The following LPP variants were observed in gnomAD, a reference collection of about 807,000 sequenced individuals.
LPP encodes the protein lipoma-preferred partner.
LPP carries 38 observed loss-of-function variants against 60.4 expected under a neutral mutation model. The ratio of observed to expected loss-of-function variants is 0.63; its 90% CI spans 0.49 to 0.83. The LOEUF (loss-of-function observed/expected upper bound fraction) is 0.83. Ranked by LOEUF, LPP falls within the 40% of genes least tolerant of loss-of-function variation. The pLI, the probability that LPP is intolerant of heterozygous loss-of-function variation, is 0.00. For synonymous variants in LPP, 328 were observed against 290.8 expected (o/e 1.13, Z -1.30); for missense variants, 902 against 783.6 (o/e 1.15, Z -1.80).
chr3:188,581,928 C>G (rs1286969776), intron 6 of LPP, among the ~76,000 whole-genome samples: 1 of 151,756 alleles, frequency 6.6e-6, no homozygotes, highest in African/African-American at 2.4e-5. Context: ...GCCGACTCTT[C>G]CAACACATGA....
intron 1 of LPP, chr3:188,180,924 G>T (rs959547148): frequency 6.6e-6 from 1 of 151,706 alleles, no homozygotes; most frequent in African/African-American, 2.4e-5. Context: ...AAAATTCTTT[G>T]TCTGCACCTA....
At chr3:188,237,414 A>T (rs185724645) in intron 2 of LPP, among the ~76,000 whole-genome samples, 122 of 152,296 alleles carry the variant, frequency 8.0e-4, no homozygotes, top group African/African-American at 2.9e-3. Context: ...AGAATGGTGA[A>T]TCCTTTTTAG....
intron 4 of LPP, among the ~76,000 whole-genome samples, chr3:188,436,546 A>G (rs1792341724): frequency 6.6e-6 from 1 of 152,176 alleles, no homozygotes; most frequent in African/African-American, 2.4e-5. Flanking sequence ...TGTTTGTGTA[A>G]GCATATATTT....
chr3:188,558,958 CT>C (rs761150043), intron 6 of LPP, among the ~76,000 whole-genome samples: 1 of 152,092 alleles, frequency 6.6e-6, no homozygotes. Context: ...AAGATCTTGA[CT>C]TTTTTGTATC....
At chr3:188,243,968 CG>C (rs1426346204) in intron 2 of LPP, among the ~76,000 whole-genome samples, 1 of 152,144 alleles carries the variant, frequency 6.6e-6, no homozygotes, top group Non-Finnish European at 1.5e-5. Flanking sequence ...CTCCACTTCC[CG>C]GGTTCAAGCG....
intron 8 of LPP, among the ~76,000 whole-genome samples, chr3:188,713,447 G>T (rs535291224): frequency 3.8e-4 from 57 of 151,630 alleles, no homozygotes; most frequent in Admixed American, 7.2e-4. Context: ...GAATATCAAT[G>T]ATATATTAGA....
At position 188,359,945 on chromosome 3, in the gene LPP, T is replaced by C. The variant is rs199750650; in HGVS notation, c.-10+18226T>C. On this transcript the variant is annotated intron_variant, in intron 3 of 11. Coordinates refer to ENST00000617246, the MANE Select transcript of LPP (RefSeq NM_001375462.1). ...AGCCCACAGGTTTATATTGCACTGC[T>C]CTGCCCACATTCCAGCCTTCTCCAC... 1.2e-4 allele frequency among the ~76,000 whole-genome samples: 19 copies of C among 152,332 alleles called. No individual in the cohort carries two copies. In the East Asian group the frequency reaches 3.7e-3, roughly 29 times the overall value.
chr3:188,692,950 A>G (rs1862441092), intron 7 of LPP, among the ~76,000 whole-genome samples: 1 of 152,184 alleles, frequency 6.6e-6, no homozygotes, highest in African/African-American at 2.4e-5. Context: ...ACATTAGATG[A>G]TTTGATTAGA....
At chr3:188,170,651 A>T (rs1721334509) in intron 1 of LPP, among the ~76,000 whole-genome samples, 1 of 129,554 alleles carries the variant, frequency 7.7e-6, no homozygotes, top group South Asian at 2.3e-4. Context: ...CAGCTTCTTC[A>T]TCAACAGCAT....
At chr3:188,773,122 G>T (rs1416314957) in intron 9 of LPP, among the ~76,000 whole-genome samples, 1 of 152,130 alleles carries the variant, frequency 6.6e-6, no homozygotes, top group Non-Finnish European at 1.5e-5. Flanking sequence ...AGTTTGAGTG[G>T]AAGTTCTCTG....
chr3:188,797,765 T>C (rs1339266129), intron 9 of LPP, among the ~76,000 whole-genome samples: 2 of 152,220 alleles, frequency 1.3e-5, no homozygotes, highest in Non-Finnish European at 2.9e-5. Flanking sequence ...TATTAATTTA[T>C]ATAGCTATGC....
intron 3 of LPP, among the ~76,000 whole-genome samples, chr3:188,397,395 A>G (rs1330223494): frequency 6.6e-6 from 1 of 152,090 alleles, no homozygotes; most frequent in African/African-American, 2.4e-5. Flanking sequence ...TGTCCTGGCT[A>G]TTGTCAACCA....
intron 2 of LPP, among the ~76,000 whole-genome samples, chr3:188,275,875 C>A (rs1454110448): frequency 3.3e-5 from 5 of 152,056 alleles, no homozygotes; most frequent in African/African-American, 4.8e-5. Flanking sequence ...GGGGTTTCAC[C>A]ATATTGTCCA....
intron 4 of LPP, among the ~76,000 whole-genome samples, chr3:188,449,191 A>G (rs1043313687): frequency 6.6e-6 from 1 of 152,214 alleles, no homozygotes; most frequent in African/African-American, 2.4e-5. Flanking sequence ...TCCCTTATGT[A>G]TACCAGATCC....
At chr3:188,738,518 C>G (rs548267832) in intron 8 of LPP, among the ~76,000 whole-genome samples, 2 of 152,254 alleles carry the variant, frequency 1.3e-5, no homozygotes, top group East Asian at 1.9e-4. Flanking sequence ...TGTGGAGAAT[C>G]TTACTCTACC....
intron 3 of LPP, among the ~76,000 whole-genome samples, chr3:188,372,837 C>G (rs1773691767): frequency 6.6e-6 from 1 of 152,058 alleles, no homozygotes; most frequent in African/African-American, 2.4e-5. Flanking sequence ...AGGTGTATCT[C>G]CTAATGCTAT....
intron 8 of LPP, among the ~76,000 whole-genome samples, chr3:188,750,818 A>T (rs1295680839): frequency 6.6e-6 from 1 of 152,198 alleles, no homozygotes; most frequent in South Asian, 2.1e-4. Flanking sequence ...CTTGGTGTCA[A>T]TATGACTATT....
chr3:188,366,942 G>A (rs919928513), intron 3 of LPP, among the ~76,000 whole-genome samples: 4 of 151,996 alleles, frequency 2.6e-5, no homozygotes, highest in Non-Finnish European at 5.9e-5. Context: ...TGTCGCCCAG[G>A]CTGGAGTGCA....
rs182001669 is a variant in LPP, at chr3:188,220,331, T to G, written c.-189-5074T>G. On this transcript the variant is annotated intron_variant, in intron 1 of 11. Transcript: ENST00000617246. ...GAAAATTTGCATTGTTACCTGTGCT[T>G]CTTCTGTGGCACTTGTCCTCCCTTA... is the stretch of plus-strand genomic sequence containing the variant. Among the ~76,000 whole-genome samples, 57 of 152,332 alleles carry G rather than the reference T, an allele frequency of 3.7e-4. 1 individual carries two copies. The highest frequency in any genetic ancestry group is 8.3e-4 in the South Asian group (4 of 4,834).
Sources: gnomAD v4.1 joint callset for allele counts (sites outside exome capture counted in the v4.1 genomes callset) on GRCh38, gnomAD v4.1.1 for gene constraint, MANE v1.5 for transcripts, NCBI Gene and HGNC (gene_info 2026-07-23, HGNC 2026-07-21) for gene names.